Variants in EXTL3 observed in about 807,000 individuals in gnomAD.
The protein encoded by EXTL3 is exostosin-like 3.
A neutral mutation model predicts 69.3 loss-of-function variants in EXTL3; 27 were observed. That is an observed-to-expected ratio of 0.39 (90% CI 0.29 to 0.54). EXTL3 has a LOEUF of 0.54. Among genes scored for constraint, EXTL3 ranks in the 20% least tolerant of loss-of-function variants. The pLI, the probability that EXTL3 is intolerant of heterozygous loss-of-function variation, is 0.69. For synonymous variants in EXTL3, 511 were observed against 499.4 expected (o/e 1.02, Z -0.31); for missense variants, 1,003 against 1,231.8 (o/e 0.81, Z 2.78).
At chr8:28,723,658 T>TC (rs386412448) in intron 3 of EXTL3, among the ~76,000 whole-genome samples, 2 of 151,394 alleles carry the variant, frequency 1.3e-5, no homozygotes, top group African/African-American at 4.9e-5. Flanking sequence ...TTTTTTTTTT[T>TC]TGAGACAGAG....
upstream of EXTL3, among the ~76,000 whole-genome samples, chr8:28,621,582 A>G (rs988038214): frequency 2.0e-5 from 3 of 152,230 alleles, no homozygotes; most frequent in African/African-American, 7.2e-5. Flanking sequence ...GTTTGCAGAC[A>G]AGCAAAATTG....
In EXTL3 at chr8:28,716,549, G is replaced by T. The variant is rs929998739; in HGVS notation, c.490G>T (p.Asp164Tyr). The stretch of plus-strand genomic sequence containing the variant: ...GCCCATCCGACTGCTCCCAGAGAAG[G>T]ACGATGCCGGCCTCCCTCCCCCGAA... ...SLPIRLLPEK[D>Y]DAGLPPPKAT... The change falls in exon 3 of 7, where the codon GAC becomes TAC. Residue 164 changes from aspartate (D) to tyrosine (Y), a missense_variant. Coordinates refer to ENST00000220562, the MANE Select transcript of EXTL3 (RefSeq NM_001440.4). The surrounding 1 kb of genome is among the most constrained non-coding windows in gnomAD (Gnocchi z 7.1). The T allele has an allele frequency of 5.0e-6, 8 of 1,614,150 alleles. No individual in the cohort carries two copies. The highest frequency in any genetic ancestry group is 2.2e-5 in the East Asian group (1 of 44,886).
chr8:28,637,910 C>T (rs1424056205), intron 1 of EXTL3, among the ~76,000 whole-genome samples: 1 of 152,222 alleles, frequency 6.6e-6, no homozygotes, highest in Non-Finnish European at 1.5e-5. Flanking sequence ...TGCAATGAAA[C>T]TATCCTTGCA....
At chr8:28,632,154 C>A (rs1806579694) in intron 1 of EXTL3, among the ~76,000 whole-genome samples, 1 of 151,886 alleles carries the variant, frequency 6.6e-6, no homozygotes, top group South Asian at 2.1e-4. Context: ...CGCCTGTAAT[C>A]CCAGCACTTT....
chr8:28,738,826 G>A (rs568889839), intron 5 of EXTL3, among the ~76,000 whole-genome samples: 21 of 152,244 alleles, frequency 1.4e-4, no homozygotes, highest in African/African-American at 2.9e-4. Flanking sequence ...AGCTCCTGTC[G>A]TCTGTCTTGC....
intron 2 of EXTL3, among the ~76,000 whole-genome samples, chr8:28,610,213 A>ATGTGTG (rs1307206052): frequency 1.8e-5 from 2 of 114,188 alleles, no homozygotes; most frequent in African/African-American, 7.5e-5. Context: ...AAAAATATGT[A>ATGTGTG]TATGTGTGTG....
At chr8:28,665,982 T>C (rs1807190585) in intron 1 of EXTL3, among the ~76,000 whole-genome samples, 1 of 152,352 alleles carries the variant, frequency 6.6e-6, no homozygotes, top group South Asian at 2.1e-4. Context: ...TTTCAAGATC[T>C]GGCCTTCCTG....
Position 28,610,643 on chromosome 8 carries a change from C to A in EXTL3, n.314+2885C>A, listed in dbSNP as rs545121772. Among the ~76,000 whole-genome samples, 3 of 152,238 alleles carry A rather than the reference C, an allele frequency of 2.0e-5. No individual in the cohort carries two copies. In the East Asian group the frequency reaches 5.8e-4, roughly 29 times the overall value. On this transcript the variant is annotated intron_variant and non_coding_transcript_variant, in intron 2 of 4. Coordinates refer to the EXTL3 transcript ENST00000522725. Reference sequence around the variant, plus strand: ...CTCTGTCTTAATTTTCACACCATACCTATGCGATGATTCTTACTTTCCCCA... The same window carrying A: ...CTCTGTCTTAATTTTCACACCATACATATGCGATGATTCTTACTTTCCCCA...
chr8:28,665,025 T>G (rs1435871838), intron 1 of EXTL3, among the ~76,000 whole-genome samples: 1 of 151,912 alleles, frequency 6.6e-6, no homozygotes, highest in Non-Finnish European at 1.5e-5. Flanking sequence ...TTTACCTATT[T>G]TTGTCTGTTT....
intron 1 of EXTL3, among the ~76,000 whole-genome samples, chr8:28,687,331 C>T (rs760686157): frequency 3.9e-5 from 6 of 152,090 alleles, no homozygotes; most frequent in Admixed American, 6.5e-5. Flanking sequence ...CCAGGTGCAG[C>T]GGCATGCGCC....
intron 3 of EXTL3, among the ~76,000 whole-genome samples, chr8:28,719,810 C>T (rs1008933226): frequency 6.6e-6 from 1 of 152,086 alleles, no homozygotes; most frequent in Non-Finnish European, 1.5e-5. Context: ...CCTGAGTTTT[C>T]TTTGATTTTG....
chr8:28,689,994 A>G (rs535112552), intron 1 of EXTL3, among the ~76,000 whole-genome samples: 154 of 152,338 alleles, frequency 1.0e-3, no homozygotes, highest in African/African-American at 3.7e-3. Flanking sequence ...CTTCCAACTC[A>G]GCCATAAATA....
intron 1 of EXTL3, among the ~76,000 whole-genome samples, chr8:28,639,673 A>G (rs1046651833): frequency 3.9e-5 from 6 of 152,150 alleles, no homozygotes; most frequent in African/African-American, 1.4e-4. Context: ...GTCCCTCCTG[A>G]CAGCTGCTTT....
chr8:28,661,107 G>T (rs1261603765), intron 1 of EXTL3, among the ~76,000 whole-genome samples: 1 of 151,576 alleles, frequency 6.6e-6, no homozygotes, highest in Non-Finnish European at 1.5e-5. Flanking sequence ...TAGAGACGGG[G>T]TTTCATCGTG....
chr8:28,717,285 C>G lies in EXTL3; in HGVS notation c.1226C>G (p.Pro409Arg). The change falls in exon 3 of 7, where the codon CCG becomes CGG. Residue 409 changes from proline to arginine, a missense_variant. Physicochemically the swap from Pro to Arg is moderately radical, Grantham distance 103. Coordinates refer to ENST00000220562, the MANE Select transcript of EXTL3 (RefSeq NM_001440.4). The surrounding 1 kb of genome is among the most constrained non-coding windows in gnomAD (Gnocchi z 8.3). ...AAAAACCAGCCCAAACCCAGCCTGC[C>G]GACTGAGTGGGCACTGTGTGGAGAG... is the stretch of plus-strand genomic sequence containing the variant. ...TCKNQPKPSL[P>R]TEWALCGERE... 1 of 1,614,224 alleles carries G rather than the reference C, an allele frequency of 6.2e-7. No individual in the cohort carries two copies. The highest frequency in any genetic ancestry group is 8.5e-7 in the Non-Finnish European group (1 of 1,180,038).
chr8:28,655,154 A>C (rs890625126), intron 1 of EXTL3, among the ~76,000 whole-genome samples: 2 of 152,170 alleles, frequency 1.3e-5, no homozygotes, highest in East Asian at 3.9e-4. Context: ...TCTTCATAAT[A>C]AGTTCACAAA....
chr8:28,658,238 T>C (rs1335354406), intron 1 of EXTL3, among the ~76,000 whole-genome samples: 1 of 152,148 alleles, frequency 6.6e-6, no homozygotes, highest in Admixed American at 6.5e-5. Flanking sequence ...TTCCTGCTTA[T>C]TATGTCAGGC....
At chr8:28,618,175 A>C (rs147709305), upstream of EXTL3, among the ~76,000 whole-genome samples, 252 of 152,136 alleles carry the variant, frequency 1.7e-3, no homozygotes, top group African/African-American at 5.6e-3. Context: ...ATAATAAAAA[A>C]GACAGTGAAG....
At chr8:28,749,543 G>T (rs1484632171) in intron 6 of EXTL3, among the ~76,000 whole-genome samples, 1 of 152,162 alleles carries the variant, frequency 6.6e-6, no homozygotes, top group African/African-American at 2.4e-5. Context: ...CTTTGCAGGT[G>T]TCACTTCTCC....
Sources: gnomAD v4.1 joint callset for allele counts (sites outside exome capture counted in the v4.1 genomes callset) on GRCh38, gnomAD v4.1.1 for gene constraint, Gnocchi (gnomAD v3.1) non-coding constraint, MANE v1.5 for transcripts, NCBI Gene and HGNC (gene_info 2026-07-23, HGNC 2026-07-21) for gene names.